The following ADGRL2 variants were observed in gnomAD, a reference collection of about 807,000 sequenced individuals.
The protein encoded by ADGRL2 is adhesion G protein-coupled receptor L2, also known as calcium-independent alpha-latrotoxin receptor 2.
ADGRL2 carries 44 observed loss-of-function variants against 157.4 expected under a neutral mutation model. The ratio of observed to expected loss-of-function variants is 0.28; its 90% CI spans 0.22 to 0.36. ADGRL2 has a LOEUF of 0.36. Ranked by LOEUF, ADGRL2 falls within the 10% of genes least tolerant of loss-of-function variation. ADGRL2 has a pLI of 1.00. For missense variants in ADGRL2, 1,510 were observed against 1,768.9 expected, an observed-to-expected ratio of 0.85 and a Z score of 2.63; for synonymous variants, 585 against 624.7, an observed-to-expected ratio of 0.94 and a Z score of 0.95.
At chr1:81,829,551 T>C (rs553347774) in intron 1 of ADGRL2, among the ~76,000 whole-genome samples, 2 of 152,320 alleles carry the variant, frequency 1.3e-5, no homozygotes, top group East Asian at 1.9e-4. Flanking sequence ...GAGTGTGAAA[T>C]ATGTGAGCTA....
intron 3 of ADGRL2, among the ~76,000 whole-genome samples, chr1:81,676,581 G>A (rs901150873): frequency 3.3e-5 from 5 of 152,106 alleles, no homozygotes; most frequent in African/African-American, 9.6e-5. Flanking sequence ...TATTACAGGC[G>A]TGAGCCACCA....
chr1:81,909,525 C>T (rs959349174), intron 3 of ADGRL2, among the ~76,000 whole-genome samples: 1 of 152,114 alleles, frequency 6.6e-6, no homozygotes, highest in Non-Finnish European at 1.5e-5. Context: ...GCTTTTCTTC[C>T]TAGCAGATTT....
rs2092681157 is a variant in ADGRL2 at position 81,843,568 on chromosome 1, T to G, written c.73+6511T>G. 2.0e-5 allele frequency among the ~76,000 whole-genome samples: 3 copies of G among 152,320 alleles called. No homozygotes were observed. The South Asian group carries it at 6.2e-4, about 32-fold the overall frequency. On this transcript the variant is annotated intron_variant, in intron 2 of 23. Coordinates refer to ENST00000686636, the MANE Select transcript of ADGRL2 (RefSeq NM_001366006.2). ...CTCCATAGGTAGCGATAATTCGGTT[T>G]TAAAAATATAAATCTTAATGCCTTT...
At chr1:81,727,762 T>A (rs1209437545) in intron 1 of ADGRL2, among the ~76,000 whole-genome samples, 1 of 152,112 alleles carries the variant, frequency 6.6e-6, no homozygotes, top group Non-Finnish European at 1.5e-5. Flanking sequence ...TCATATGGTC[T>A]TTAAAAACAT....
At chr1:81,331,529 T>G (rs893401525) in intron 1 of ADGRL2, among the ~76,000 whole-genome samples, 11 of 152,144 alleles carry the variant, frequency 7.2e-5, no homozygotes, top group African/African-American at 2.7e-4. Flanking sequence ...TTTGTTTTCC[T>G]CAAATAATTA....
chr1:81,891,369 G>C (rs1301601171), intron 2 of ADGRL2, among the ~76,000 whole-genome samples: 1 of 151,590 alleles, frequency 6.6e-6, no homozygotes, highest in Non-Finnish European at 1.5e-5. Flanking sequence ...AAGTTTTTTG[G>C]TTATTGTTAG....
chr1:81,566,138 C>G (rs1014864698), intron 2 of ADGRL2, among the ~76,000 whole-genome samples: 5 of 152,092 alleles, frequency 3.3e-5, no homozygotes, highest in African/African-American at 9.7e-5. Context: ...AGTTTTCATA[C>G]AGAGAGTTAT....
At chr1:81,509,638 G>A (rs2079040158) in intron 2 of ADGRL2, among the ~76,000 whole-genome samples, 1 of 152,200 alleles carries the variant, frequency 6.6e-6, no homozygotes, top group African/African-American at 2.4e-5. Context: ...AATGAGAAAA[G>A]GCCCCTTCAA....
In ADGRL2 at chr1:81,338,893, C is replaced by T. The variant is rs181950209; in HGVS notation, c.-302+32384C>T. On this transcript the variant is annotated intron_variant, in intron 1 of 24. Coordinates refer to the ADGRL2 transcript ENST00000370721. ...TCTTGACCACTGGGTCTTCAACTGC[C>T]CTCTTCTTTCTCGTGTTTTGAAAGT... is the stretch of plus-strand genomic sequence containing the variant. 3.6e-3 allele frequency among the ~76,000 whole-genome samples: 553 copies of T among 152,248 alleles called. 3 individuals carry two copies. Among genetic ancestry groups the T allele is most frequent in the South Asian group, 6.6e-3 (32 of 4,818 alleles).
At chr1:81,941,720 A>G (rs1045563200) in intron 4 of ADGRL2, among the ~76,000 whole-genome samples, 2 of 151,902 alleles carry the variant, frequency 1.3e-5, no homozygotes, top group Admixed American at 1.3e-4. Flanking sequence ...AAGAGTATGT[A>G]TACCATGCAT....
At chr1:81,503,570 C>T in intron 2 of ADGRL2, 2 of 1,352,230 alleles carry the variant, frequency 1.5e-6, no homozygotes, top group African/African-American at 1.4e-5. Flanking sequence ...TCGACGAGCA[C>T]CATTTGGCCA....
intron 2 of ADGRL2, among the ~76,000 whole-genome samples, chr1:81,864,154 C>T (rs1368435185): frequency 6.6e-6 from 1 of 152,128 alleles, no homozygotes; most frequent in African/African-American, 2.4e-5. Flanking sequence ...CTTATGGCAA[C>T]AGTCATAACT....
chr1:81,431,675 T>G (rs1014377966), intron 1 of ADGRL2, among the ~76,000 whole-genome samples: 5 of 152,206 alleles, frequency 3.3e-5, no homozygotes, highest in African/African-American at 1.2e-4. Flanking sequence ...GAAATGGGGA[T>G]GGGAAGAACT....
At chr1:81,792,382 G>T (rs1226163084) in intron 2 of ADGRL2, among the ~76,000 whole-genome samples, 1 of 152,140 alleles carries the variant, frequency 6.6e-6, no homozygotes, top group African/African-American at 2.4e-5. Context: ...CAAGGACAAT[G>T]TATTCTGAAT....
chr1:81,893,967 G>A (rs2094326462), intron 2 of ADGRL2, among the ~76,000 whole-genome samples: 1 of 152,130 alleles, frequency 6.6e-6, no homozygotes, highest in Admixed American at 6.5e-5. Context: ...TCATTACATT[G>A]TCATTTAAGG....
At chr1:81,682,613 C>G (rs980534177) in intron 3 of ADGRL2, among the ~76,000 whole-genome samples, 5 of 152,162 alleles carry the variant, frequency 3.3e-5, no homozygotes, top group African/African-American at 1.2e-4. Flanking sequence ...AGAGAGGGGG[C>G]AGCTCCATGT....
intron 2 of ADGRL2, among the ~76,000 whole-genome samples, chr1:81,480,438 T>C (rs1035714821): frequency 2.0e-4 from 31 of 152,322 alleles, no homozygotes; most frequent in South Asian, 6.2e-4. Context: ...TTAAGAACTA[T>C]ATGATGTTTA....
chr1:81,573,830 G>A (rs1209025750), intron 2 of ADGRL2, among the ~76,000 whole-genome samples: 1 of 152,082 alleles, frequency 6.6e-6, no homozygotes, highest in Non-Finnish European at 1.5e-5. Context: ...CTTATTATAA[G>A]GTGATCTACC....
At chr1:81,860,056 G>A (rs903047918) in intron 2 of ADGRL2, among the ~76,000 whole-genome samples, 7 of 151,732 alleles carry the variant, frequency 4.6e-5, no homozygotes, top group African/African-American at 1.7e-4. Flanking sequence ...AACCCCGTCT[G>A]TACTAAAAAT....
Sources: allele counts gnomAD v4.1 joint callset (sites outside exome capture counted in the v4.1 genomes callset), GRCh38; gene constraint gnomAD v4.1.1; transcripts MANE v1.5; gene names NCBI Gene and HGNC (gene_info 2026-07-23, HGNC 2026-07-21).